Variants in SHISA9 observed in about 807,000 individuals in gnomAD.
SHISA9 encodes the protein shisa family member 9.
In SHISA9, 13 loss-of-function variants were observed where a neutral mutation model predicts 38.0. The observed-to-expected ratio is 0.34, with a 90% CI of 0.22 to 0.54. SHISA9 has a LOEUF of 0.54. Ranked by LOEUF, SHISA9 falls within the 20% of genes least tolerant of loss-of-function variation. The pLI is 0.91. For missense variants in SHISA9, 538 were observed against 575.8 expected, an observed-to-expected ratio of 0.93 and a Z score of 0.67; for synonymous variants, 275 against 242.0, an observed-to-expected ratio of 1.14 and a Z score of -1.27.
intron 2 of SHISA9, among the ~76,000 whole-genome samples, chr16:12,923,683 A>G (rs769614440): frequency 2.3e-4 from 35 of 152,218 alleles, no homozygotes; most frequent in Non-Finnish European, 3.5e-4. Flanking sequence ...ATTAAAAAAT[A>G]GAGGAAAATT....
chr16:13,553,505 G>A, the SHISA9 span, among the ~76,000 whole-genome samples: 1 of 152,120 alleles, frequency 6.6e-6, no homozygotes, highest in Non-Finnish European at 1.5e-5. Context: ...ATTCGATCTT[G>A]TGTCCATGTG....
the SHISA9 span, among the ~76,000 whole-genome samples, chr16:13,541,204 TA>T: frequency 6.6e-6 from 1 of 152,096 alleles, no homozygotes; most frequent in Non-Finnish European, 1.5e-5. Context: ...GAGTAAAGGT[TA>T]TTGGTCCCAG....
intron 2 of SHISA9, among the ~76,000 whole-genome samples, chr16:13,196,800 TTTA>T (rs2050947871): frequency 6.6e-6 from 1 of 152,098 alleles, no homozygotes; most frequent in Admixed American, 6.6e-5. Context: ...GTTTAAAAAA[TTTA>T]TTGTTTGAGG....
the SHISA9 span, among the ~76,000 whole-genome samples, chr16:13,402,599 C>T: frequency 1.3e-5 from 2 of 151,070 alleles, no homozygotes; most frequent in African/African-American, 4.9e-5. Flanking sequence ...ACTGTAACCA[C>T]CTCCCGGGTT....
intron 2 of SHISA9, among the ~76,000 whole-genome samples, chr16:13,167,612 T>A (rs2050649142): frequency 6.6e-6 from 1 of 152,196 alleles, no homozygotes. Flanking sequence ...CCTCTCCAAG[T>A]GCTGTTCTCC....
chr16:13,533,769 C>A, the SHISA9 span, among the ~76,000 whole-genome samples: 3 of 147,864 alleles, frequency 2.0e-5, no homozygotes, highest in Admixed American at 1.4e-4. Flanking sequence ...ATGCATGCTA[C>A]CATAACTCTC....
chr16:13,025,300 C>T (rs2072907233), intron 2 of SHISA9, among the ~76,000 whole-genome samples: 1 of 152,152 alleles, frequency 6.6e-6, no homozygotes, highest in East Asian at 1.9e-4. Context: ...CTTGTTAGAC[C>T]TACAAATTCT....
At chr16:13,350,493 G>A in the SHISA9 span, 1 of 152,146 alleles carries the variant, frequency 6.6e-6, no homozygotes, top group Non-Finnish European at 1.5e-5. Flanking sequence ...CTTTGTCTCT[G>A]TGGAGAACCC....
intron 4 of SHISA9, among the ~76,000 whole-genome samples, chr16:13,215,746 C>T (rs2051162048): frequency 1.3e-5 from 2 of 152,232 alleles, no homozygotes; most frequent in African/African-American, 2.4e-5. Flanking sequence ...AAAAGTGGTC[C>T]CAGTGAGAAC....
At chr16:13,001,548 C>G (rs2072526061) in intron 2 of SHISA9, among the ~76,000 whole-genome samples, 1 of 152,280 alleles carries the variant, frequency 6.6e-6, no homozygotes, top group Admixed American at 6.5e-5. Context: ...AAAATCAAAA[C>G]GTTCTGGGGA....
At chr16:13,116,365 T>C (rs2074030852) in intron 2 of SHISA9, among the ~76,000 whole-genome samples, 1 of 152,210 alleles carries the variant, frequency 6.6e-6, no homozygotes, top group South Asian at 2.1e-4. Flanking sequence ...TGGTCTTTAA[T>C]GGTCTTTGGC....
chr16:13,469,405 GAAAGAAAGAAAGAAAGAA>G, the SHISA9 span, among the ~76,000 whole-genome samples: 1 of 124,486 alleles, frequency 8.0e-6, no homozygotes, highest in South Asian at 3.0e-4. Flanking sequence ...AAGAAAGAAA[GAAAGAAAGAAAGAAAGAA>G]AAAGAAAGAA....
chr16:12,902,206 G>A lies in SHISA9; in HGVS notation c.142G>A (p.Gly48Arg), dbSNP rs1447999659. 3.9e-6 allele frequency: 6 copies of A among 1,531,200 alleles called. No individual in the cohort carries two copies. In the African/African-American group the frequency reaches 5.5e-5, roughly 14 times the overall value. The allele number at this position is 1,531,200 out of a possible 1,614,324, so 94.9% of individuals were successfully genotyped here. Residue 48 changes from glycine to arginine, a missense_variant, in exon 1 of 5, where the codon GGG (glycine) becomes AGG (arginine). By Grantham distance (125) the Gly-to-Arg change is moderately radical. This residue lies in a region of SHISA9 where 107 missense variants were observed against 103.0 expected (regional missense o/e 1.04). Coordinates refer to ENST00000558583, the MANE Select transcript of SHISA9 (RefSeq NM_001145204.3). ...GCTGCTGGCGGGGGGCAACCGCTCC[G>A]GGGCCGCCTCCGGAGAGGCCAGCGA... is the stretch of plus-strand genomic sequence containing the variant. ...VLLLAGGNRS[G>R]AASGEASEGA...
chr16:13,369,886 A>G, the SHISA9 span, among the ~76,000 whole-genome samples: 4 of 152,094 alleles, frequency 2.6e-5, no homozygotes, highest in African/African-American at 9.7e-5. Context: ...TCCGCAGACC[A>G]ATTGAATCAG....
At chr16:13,309,996 T>G in the SHISA9 span, among the ~76,000 whole-genome samples, 6 of 152,166 alleles carry the variant, frequency 3.9e-5, no homozygotes, top group Non-Finnish European at 7.4e-5. Context: ...CAAGTGATTC[T>G]CCTGCCTCAG....
chr16:13,561,052 T>G, the SHISA9 span, among the ~76,000 whole-genome samples: 6 of 151,932 alleles, frequency 3.9e-5, no homozygotes, highest in African/African-American at 1.4e-4. Context: ...TTGGTAGAGA[T>G]GGGTTTTCAC....
the SHISA9 span, among the ~76,000 whole-genome samples, chr16:13,508,290 T>C: frequency 1.7e-4 from 26 of 152,224 alleles, 1 homozygote; most frequent in Non-Finnish European, 5.9e-5. Context: ...AAACATGACT[T>C]TTAATAGCTG....
chr16:13,038,887 C>G (rs1173501839), intron 2 of SHISA9, among the ~76,000 whole-genome samples: 2 of 152,114 alleles, frequency 1.3e-5, no homozygotes, highest in African/African-American at 4.8e-5. Context: ...GTCTCTGTTT[C>G]TTTATTTAAT....
At chr16:12,931,026 C>T (rs2071455187) in intron 2 of SHISA9, among the ~76,000 whole-genome samples, 1 of 152,128 alleles carries the variant, frequency 6.6e-6, no homozygotes, top group Non-Finnish European at 1.5e-5. Flanking sequence ...AATCCCCACC[C>T]CTGGAGCAAA....
Sources: gnomAD v4.1 joint callset for allele counts (sites outside exome capture counted in the v4.1 genomes callset) on GRCh38, gnomAD v4.1.1 for gene constraint, gnomAD v4.1.1 regional missense constraint, MANE v1.5 for transcripts, NCBI Gene and HGNC (gene_info 2026-07-23, HGNC 2026-07-21) for gene names.